The following ZNF518A variants were observed in gnomAD, a reference collection of about 807,000 sequenced individuals.
ZNF518A encodes zinc finger protein 518A, also known as zinc finger protein 518.
In ZNF518A, 47 loss-of-function variants were observed where a neutral mutation model predicts 102.7. The ratio of observed to expected loss-of-function variants is 0.46; its 90% CI spans 0.36 to 0.58. ZNF518A has a LOEUF of 0.58. ZNF518A is among the 20% of genes least tolerant of loss of function. The pLI is 0.00. For missense variants in ZNF518A, 1,793 were observed against 1,699.8 expected, an observed-to-expected ratio of 1.05 and a Z score of -0.96; for synonymous variants, 652 against 594.6, an observed-to-expected ratio of 1.10 and a Z score of -1.40.
chr10:96,189,692 C>T (rs1300861873), intron 1 of ZNF518A: 6 of 703,298 alleles, frequency 8.5e-6, no homozygotes, highest in East Asian at 2.7e-5. Context: ...GTTTCCTCAT[C>T]ATCAAAATCA....
chr10:96,138,690 A>G (rs1391119436), intron 3 of ZNF518A, among the ~76,000 whole-genome samples: 1 of 151,800 alleles, frequency 6.6e-6, no homozygotes, highest in African/African-American at 2.4e-5. Context: ...GAGGGGAGGG[A>G]TTTTTGTCTG....
chr10:96,167,697 CTG>C (rs2083150423), downstream of ZNF518A, among the ~76,000 whole-genome samples: 1 of 151,980 alleles, frequency 6.6e-6, no homozygotes, highest in South Asian at 2.1e-4. Context: ...GATATGCAAT[CTG>C]AAACAAAAAG....
Position 96,158,072 on chromosome 10 carries a change from A to C in ZNF518A, c.1750A>C (p.Thr584Pro), listed in dbSNP as rs782746839. The change falls in exon 6 of 6, where the codon ACT becomes CCT. Residue 584 changes from threonine to proline, a missense_variant. By Grantham distance (38) the Thr-to-Pro change is conservative. Transcript: ENST00000316045. ...TGTTGACTTCTGGGGAAATCATCTC[A>C]CTCAGAGTCACCCCGAGGTATTAGG... ...DNVDFWGNHL[T>P]QSHPEVLGTT... 6.2e-7 allele frequency: 1 copy of C among 1,613,662 alleles called. No homozygotes were observed. The highest frequency in any genetic ancestry group is 8.5e-7 in the Non-Finnish European group (1 of 1,179,752).
At chr10:96,177,838 A>G (rs1229261175) in intron 1 of ZNF518A, among the ~76,000 whole-genome samples, 1 of 152,144 alleles carries the variant, frequency 6.6e-6, no homozygotes, top group Admixed American at 6.5e-5. Flanking sequence ...ATTTGTCAGG[A>G]TGAAAAAATG....
At chr10:96,189,003 T>C (rs1480649776) in intron 1 of ZNF518A, among the ~76,000 whole-genome samples, 1 of 152,180 alleles carries the variant, frequency 6.6e-6, no homozygotes, top group Non-Finnish European at 1.5e-5. Context: ...CAGTCCCTCA[T>C]CTTCATGTCG....
downstream of ZNF518A, among the ~76,000 whole-genome samples, chr10:96,167,076 A>C (rs1462649941): frequency 6.6e-6 from 1 of 152,240 alleles, no homozygotes; most frequent in Admixed American, 6.5e-5. Context: ...GAAACAGAAA[A>C]GTATGTGTCC....
At chr10:96,139,952 G>A (rs781690748) in intron 3 of ZNF518A, among the ~76,000 whole-genome samples, 72 of 151,522 alleles carry the variant, frequency 4.8e-4, no homozygotes, top group Non-Finnish European at 8.6e-4. Context: ...TCCACCTCCC[G>A]GGTTCAAGTG....
At chr10:96,133,800 C>G (rs993736684) in intron 3 of ZNF518A, among the ~76,000 whole-genome samples, 152 bp downstream of exon 3, 4 of 152,182 alleles carry the variant, frequency 2.6e-5, no homozygotes, top group African/African-American at 7.2e-5. Flanking sequence ...AAATGGATTT[C>G]TGTTCAGGGC....
chr10:96,185,517 C>T (rs1475834602), intron 1 of ZNF518A, among the ~76,000 whole-genome samples: 9 of 152,190 alleles, frequency 5.9e-5, no homozygotes, highest in Non-Finnish European at 1.2e-4. Flanking sequence ...TTTGTTGATG[C>T]TGATGCTATT....
intron 1 of ZNF518A, among the ~76,000 whole-genome samples, chr10:96,184,700 G>A (rs1274540003): frequency 6.6e-6 from 1 of 152,106 alleles, no homozygotes; most frequent in Non-Finnish European, 1.5e-5. Context: ...TCCCTTTGTG[G>A]GTAACCCGAC....
chr10:96,179,952 C>T (rs1554891862), intron 1 of ZNF518A, among the ~76,000 whole-genome samples: 1 of 149,866 alleles, frequency 6.7e-6, no homozygotes, highest in African/African-American at 2.5e-5. Flanking sequence ...AACCTCGGCT[C>T]ACTGCAACCT....
Position 96,160,546 on chromosome 10 carries a change from A to C in ZNF518A, c.4224A>C (p.Lys1408Asn), listed in dbSNP as rs1554887387. 6.2e-7 allele frequency: 1 copy of C among 1,612,214 alleles called. No individual in the cohort carries two copies. Among genetic ancestry groups the C allele is most frequent in the Non-Finnish European group, 8.5e-7 (1 of 1,179,282 alleles). Residue 1408 changes from lysine (K) to asparagine (N), a missense_variant, in exon 6 of 6, where the codon AAA becomes AAC. Lys to Asn is a moderately conservative substitution (Grantham distance 94, BLOSUM62 0). Coordinates refer to ENST00000316045, the MANE Select transcript of ZNF518A (RefSeq NM_001330736.2). Reference protein sequence around the residue: ...TTYDDFSKRHKTFKPVSSVKE... With the variant: ...TTYDDFSKRHNTFKPVSSVKE... The stretch of plus-strand genomic sequence containing the variant: ...ATGATGATTTTTCCAAGAGGCACAA[A>C]ACATTTAAACCTGTTAGTTCTGTGA...
At chr10:96,170,359 A>G (rs587635411) in intron 1 of ZNF518A, among the ~76,000 whole-genome samples, 1 of 152,350 alleles carries the variant, frequency 6.6e-6, no homozygotes, top group African/African-American at 2.4e-5. Flanking sequence ...TAGGCAAAAT[A>G]AAGACAGGCC....
intron 1 of ZNF518A, among the ~76,000 whole-genome samples, chr10:96,183,526 T>G (rs1554892217): frequency 6.6e-6 from 1 of 152,260 alleles, no homozygotes; most frequent in Non-Finnish European, 1.5e-5. Flanking sequence ...TTTGTTCTCA[T>G]TCATTTCAAA....
chr10:96,169,244 ATCC>A (rs1298705772), intron 1 of ZNF518A, among the ~76,000 whole-genome samples: 13 of 152,240 alleles, frequency 8.5e-5, no homozygotes, highest in Admixed American at 3.3e-4. Context: ...GCCTCAAGGA[ATCC>A]TCCTTCCTTG....
At chr10:96,140,896 G>A (rs2133282602) in intron 3 of ZNF518A, among the ~76,000 whole-genome samples, 1 of 152,230 alleles carries the variant, frequency 6.6e-6, no homozygotes, top group South Asian at 2.1e-4. Flanking sequence ...AGCCGTAATT[G>A]TGCCATTGCA....
intron 1 of ZNF518A, among the ~76,000 whole-genome samples, chr10:96,193,474 T>C (rs1474251903): frequency 6.6e-6 from 1 of 152,240 alleles, no homozygotes; most frequent in Non-Finnish European, 1.5e-5. Flanking sequence ...ATTGCCTTGT[T>C]GTGGTGTTCG....
In ZNF518A at chr10:96,157,579, A is replaced by G. The variant is rs1554883595; in HGVS notation, c.1257A>G (p.Val419=). The G allele has an allele frequency of 3.1e-6, 5 of 1,613,884 alleles. No homozygotes were observed. Among genetic ancestry groups the G allele is most frequent in the Admixed American group, 3.3e-5 (2 of 60,010 alleles). ...NASSGFMKTA[V]LGPTLKNVMM... The stretch of plus-strand genomic sequence containing the variant: ...GTTCAGGTTTCATGAAGACTGCTGT[A>G]CTAGGACCTACACTGAAAAATGTAA... Residue 419 remains valine, a synonymous_variant, in exon 6 of 6, where the codon GTA becomes GTG. Coordinates refer to ENST00000316045, the MANE Select transcript of ZNF518A (RefSeq NM_001330736.2).
intron 1 of ZNF518A, among the ~76,000 whole-genome samples, chr10:96,185,722 C>G (rs139432278): frequency 6.6e-6 from 1 of 152,274 alleles, no homozygotes; most frequent in Non-Finnish European, 1.5e-5. Flanking sequence ...AGGTGTCAGT[C>G]GGCCCCTACT....
Sources: allele counts gnomAD v4.1 joint callset (sites outside exome capture counted in the v4.1 genomes callset), GRCh38; gene constraint gnomAD v4.1.1; transcripts MANE v1.5; gene names NCBI Gene and HGNC (gene_info 2026-07-23, HGNC 2026-07-21).